PCSK2: variants seen among roughly 807,000 people sequenced by gnomAD.
PCSK2 encodes the protein neuroendocrine convertase 2.
PCSK2 carries 14 observed loss-of-function variants against 69.7 expected under a neutral mutation model. The observed-to-expected ratio is 0.20, with a 90% CI of 0.13 to 0.31. The LOEUF is 0.31. PCSK2 is among the 10% of genes least tolerant of loss of function. The probability of loss-of-function intolerance (pLI) is 1.00; values close to 1 mark genes in which losing one functional copy is unlikely to be tolerated. For synonymous variants in PCSK2, 307 were observed against 320.7 expected, an observed-to-expected ratio of 0.96 and a Z score of 0.46; for missense variants, 544 against 842.5, an observed-to-expected ratio of 0.65 and a Z score of 4.39.
chr20:17,239,723 A>T (rs573044510), intron 1 of PCSK2, among the ~76,000 whole-genome samples: 2 of 152,270 alleles, frequency 1.3e-5, no homozygotes, highest in African/African-American at 4.8e-5. Flanking sequence ...CAGTAAACAA[A>T]CATAATGCAA....
At chr20:17,450,394 A>G (rs1001852630) in intron 8 of PCSK2, among the ~76,000 whole-genome samples, 5 of 152,110 alleles carry the variant, frequency 3.3e-5, no homozygotes, top group Non-Finnish European at 7.3e-5. Flanking sequence ...GGCTGTGAAG[A>G]CTGAATAGGA....
At chr20:17,445,940 A>G (rs2032691105) in intron 8 of PCSK2, among the ~76,000 whole-genome samples, 1 of 152,184 alleles carries the variant, frequency 6.6e-6, no homozygotes, top group South Asian at 2.1e-4. Flanking sequence ...CAGCCGTCTC[A>G]TTTTGCCAGG....
chr20:17,290,005 T>G, intron 2 of PCSK2, among the ~76,000 whole-genome samples: 1 of 152,216 alleles, frequency 6.6e-6, no homozygotes, highest in East Asian at 1.9e-4. Context: ...ATTGTTTAGG[T>G]TTTTTAATAC....
At chr20:17,461,895 C>T (rs960103586) in intron 10 of PCSK2, among the ~76,000 whole-genome samples, 1 of 152,202 alleles carries the variant, frequency 6.6e-6, no homozygotes, top group African/African-American at 2.4e-5. Context: ...CCAAATATCT[C>T]ATGTACCCCA....
At position 17,453,728 on chromosome 20, in the gene PCSK2, C is replaced by A. The variant is rs757099314; in HGVS notation, c.886-14C>A. On this transcript the variant is annotated splice_polypyrimidine_tract_variant and intron_variant, in intron 8 of 11. Coordinates refer to ENST00000262545, the MANE Select transcript of PCSK2 (RefSeq NM_002594.5). This position sits in a 1 kb window ranked among gnomAD's most constrained non-coding sequence, Gnocchi z 4.0. Reference sequence around the variant, plus strand: ...GGCTGTGGGTAGCGGCAGCGTCTCCCCTGCTCTCCCCAGGGCCGCGGCGGC... The same window carrying A: ...GGCTGTGGGTAGCGGCAGCGTCTCCACTGCTCTCCCCAGGGCCGCGGCGGC... 3 of 1,611,766 alleles carry A rather than the reference C, an allele frequency of 1.9e-6. No homozygotes were observed. The highest frequency in any genetic ancestry group is 3.3e-5 in the Admixed American group (2 of 60,006).
intron 2 of PCSK2, among the ~76,000 whole-genome samples, chr20:17,288,492 C>T (rs1040995943): frequency 6.6e-5 from 10 of 152,192 alleles, no homozygotes; most frequent in Non-Finnish European, 1.0e-4. Flanking sequence ...AGCAATGCCA[C>T]GGCTCATGTT....
Position 17,453,690 on chromosome 20 carries a change from C to T in PCSK2, c.886-52C>T. The T allele has an allele frequency of 6.2e-7, 1 of 1,600,670 alleles. No individual in the cohort carries two copies. The highest frequency in any genetic ancestry group is 8.5e-7 in the Non-Finnish European group (1 of 1,175,352). On this transcript the variant is annotated intron_variant, in intron 8 of 11. Coordinates refer to ENST00000262545, the MANE Select transcript of PCSK2 (RefSeq NM_002594.5). This position sits in a 1 kb window ranked among gnomAD's most constrained non-coding sequence, Gnocchi z 4.0. ...CCCTGGGCTGGAGACCTCCCCTGCC[C>T]CCTCGCAGCCCAGGCTGTGGGTAGC...
intron 2 of PCSK2, among the ~76,000 whole-genome samples, chr20:17,303,464 ATATATAT>A (rs1237427335): frequency 1.9e-5 from 1 of 51,676 alleles, no homozygotes; most frequent in Non-Finnish European, 3.8e-5. Flanking sequence ...ATTAAATATA[ATATATAT>A]TATATATAAT....
intron 5 of PCSK2, among the ~76,000 whole-genome samples, chr20:17,375,628 C>T (rs995482569): frequency 6.6e-6 from 1 of 152,110 alleles, no homozygotes; most frequent in Non-Finnish European, 1.5e-5. Context: ...AGGGAAATCT[C>T]CTGGTATTTA....
rs895592746 is a variant in PCSK2 at position 17,449,256 on chromosome 20, C to A, written c.886-4486C>A. 4.6e-5 allele frequency among the ~76,000 whole-genome samples: 7 copies of A among 152,166 alleles called. 1 individual carries two copies. The highest frequency in any genetic ancestry group is 1.0e-4 in the Non-Finnish European group (7 of 68,034). On this transcript the variant is annotated intron_variant, in intron 8 of 11. Transcript: ENST00000262545. Reference sequence around the variant, plus strand: ...CAGGATTAGGGTGGAGACCCCGCCCCCCAGCAGACAGCCCCACCCACAGTG... The same window carrying A: ...CAGGATTAGGGTGGAGACCCCGCCCACCAGCAGACAGCCCCACCCACAGTG...
intron 2 of PCSK2, among the ~76,000 whole-genome samples, chr20:17,288,970 G>A (rs895453707): frequency 2.6e-5 from 4 of 152,174 alleles, no homozygotes; most frequent in South Asian, 2.1e-4. Flanking sequence ...GGAAAGCTGC[G>A]TTCTTGTGCA....
At chr20:17,479,933 TCTGGAGTCTTGATGTTACACCAC>T (rs2033365790) in intron 11 of PCSK2, among the ~76,000 whole-genome samples, 4 of 115,838 alleles carry the variant, frequency 3.5e-5, no homozygotes, top group Non-Finnish European at 5.9e-5. Context: ...ATTCTCAAAG[TCTGGAGTCTTGATGTTACACCAC>T]GCAATCCTCA....
At chr20:17,400,314 T>C (rs896005667) in intron 5 of PCSK2, among the ~76,000 whole-genome samples, 2 of 152,212 alleles carry the variant, frequency 1.3e-5, no homozygotes, top group African/African-American at 2.4e-5. Context: ...AAAAGCAAGA[T>C]TGCACACTTA....
intron 2 of PCSK2, among the ~76,000 whole-genome samples, chr20:17,300,401 G>A (rs1989039466): frequency 6.6e-6 from 1 of 152,218 alleles, no homozygotes; most frequent in African/African-American, 2.4e-5. Flanking sequence ...GGGTTCCCCA[G>A]AGGTCCTTGC....
At chr20:17,411,269 T>C (rs7262062) in intron 6 of PCSK2, among the ~76,000 whole-genome samples, 1,986 of 152,322 alleles carry the variant, frequency 0.013, 47 homozygotes, top group African/African-American at 0.046. Flanking sequence ...GATTTCCCTT[T>C]CCTAGCCAAA....
At chr20:17,398,815 T>C (rs1433624521) in intron 5 of PCSK2, among the ~76,000 whole-genome samples, 1 of 151,976 alleles carries the variant, frequency 6.6e-6, no homozygotes, top group African/African-American at 2.4e-5. Context: ...TAAATCAGAA[T>C]CTAGGAATTG....
In PCSK2 at chr20:17,302,617, C is replaced by G. The variant is rs1431464217; in HGVS notation, c.282+42273C>G. Reference sequence around the variant, plus strand: ...AATTCTAAGTTCACTTCCTTTACCTCAAGAAACAGTGGAGCTATTCTCTTT... The same window carrying G: ...AATTCTAAGTTCACTTCCTTTACCTGAAGAAACAGTGGAGCTATTCTCTTT... On this transcript the variant is annotated intron_variant, in intron 2 of 11. Coordinates refer to ENST00000262545, the MANE Select transcript of PCSK2 (RefSeq NM_002594.5). 2.6e-5 allele frequency among the ~76,000 whole-genome samples: 4 copies of G among 152,284 alleles called. No homozygotes were observed. In the East Asian group the frequency reaches 7.7e-4, roughly 29 times the overall value.
chr20:17,324,635 T>A (rs1311062370), intron 2 of PCSK2, among the ~76,000 whole-genome samples: 1 of 152,066 alleles, frequency 6.6e-6, no homozygotes, highest in Non-Finnish European at 1.5e-5. Context: ...ACAACCCAGA[T>A]ACTCCCCCTA....
At chr20:17,478,992 C>A in intron 11 of PCSK2, 1 of 744,626 alleles carries the variant, frequency 1.3e-6, no homozygotes, top group Non-Finnish European at 2.3e-6. Flanking sequence ...ATATTGCACA[C>A]TTGTCATCTA....
Sources: allele counts gnomAD v4.1 joint callset (sites outside exome capture counted in the v4.1 genomes callset), GRCh38; gene constraint gnomAD v4.1.1; non-coding constraint Gnocchi (gnomAD v3.1); transcripts MANE v1.5; gene names NCBI Gene and HGNC (gene_info 2026-07-23, HGNC 2026-07-21).